Variants in PAN3 observed in about 807,000 individuals in gnomAD.
PAN3 encodes PAN2-PAN3 deadenylation complex subunit PAN3.
A neutral mutation model predicts 96.2 loss-of-function variants in PAN3; 19 were observed. The ratio of observed to expected loss-of-function variants is 0.20; its 90% CI spans 0.14 to 0.29. PAN3 has a LOEUF of 0.29. Among genes scored for constraint, PAN3 ranks in the 10% least tolerant of loss-of-function variants. The pLI is 1.00. For missense variants in PAN3, 882 were observed against 1,108.1 expected, an observed-to-expected ratio of 0.80 and a Z score of 2.90; for synonymous variants, 433 against 406.6, an observed-to-expected ratio of 1.06 and a Z score of -0.78.
intron 1 of PAN3, among the ~76,000 whole-genome samples, chr13:28,170,430 A>G (rs1464647417): frequency 6.6e-6 from 1 of 152,198 alleles, no homozygotes; most frequent in African/African-American, 2.4e-5. Context: ...TAAAAATTCT[A>G]TTAAGACAAG....
intron 1 of PAN3, among the ~76,000 whole-genome samples, chr13:28,159,747 C>T (rs1277398462): frequency 6.6e-6 from 1 of 151,908 alleles, no homozygotes; most frequent in Non-Finnish European, 1.5e-5. Flanking sequence ...CACACCTGGC[C>T]AATACTGGAG....
chr13:28,203,925 T>TC (rs951801130), intron 5 of PAN3, among the ~76,000 whole-genome samples: 2 of 151,586 alleles, frequency 1.3e-5, no homozygotes, highest in Non-Finnish European at 2.9e-5. Flanking sequence ...TGTTTCAGCC[T>TC]CCCGAGTAGC....
chr13:28,202,235 G>C (rs1878802105), intron 5 of PAN3, among the ~76,000 whole-genome samples: 1 of 152,148 alleles, frequency 6.6e-6, no homozygotes, highest in South Asian at 2.1e-4. Flanking sequence ...ATGCTGGTTA[G>C]TGGTAGAGCT....
chr13:28,264,670 A>C (rs1376441667), intron 9 of PAN3, among the ~76,000 whole-genome samples: 1 of 152,226 alleles, frequency 6.6e-6, no homozygotes, highest in African/African-American at 2.4e-5. Context: ...AGTGCCTACT[A>C]TCCTTGGGAA....
intron 1 of PAN3, among the ~76,000 whole-genome samples, chr13:28,143,146 T>C (rs1215956787): frequency 6.6e-6 from 1 of 151,776 alleles, no homozygotes; most frequent in African/African-American, 2.4e-5. Context: ...GGGTTGGGAG[T>C]TCTTGCTGTG....
chr13:28,211,345 A>G (rs975844055), intron 5 of PAN3, among the ~76,000 whole-genome samples: 3 of 152,298 alleles, frequency 2.0e-5, no homozygotes, highest in East Asian at 1.9e-4. Context: ...AGTCACTCCC[A>G]GTGGCATGGA....
intron 1 of PAN3, among the ~76,000 whole-genome samples, chr13:28,159,974 T>C (rs1182371941): frequency 6.6e-6 from 1 of 152,066 alleles, no homozygotes; most frequent in Non-Finnish European, 1.5e-5. Context: ...AGTCTCGCTC[T>C]ATCACCCAGC....
intron 1 of PAN3, among the ~76,000 whole-genome samples, chr13:28,170,620 C>T (rs1566154919): frequency 6.6e-6 from 1 of 152,096 alleles, no homozygotes; most frequent in Admixed American, 6.5e-5. Context: ...GAATTGTACT[C>T]TATTTTGGAG....
chr13:28,256,246 A>T (rs1885124727), intron 6 of PAN3, 46 bp from the exon 7 acceptor site: 1 of 1,570,094 alleles, frequency 6.4e-7, no homozygotes, highest in African/African-American at 1.4e-5. Context: ...TTGTTCTCTA[A>T]AACCAATTAT....
chr13:28,183,106 C>A (rs1876010297), intron 4 of PAN3, among the ~76,000 whole-genome samples: 1 of 151,910 alleles, frequency 6.6e-6, no homozygotes. Context: ...AATCTTAATC[C>A]TTCTGATGGT....
rs539937478 is a variant in PAN3, at chr13:28,220,505, T to C, written c.1000+127T>C. ...CATTTGAACATTAAGAGCTTTATGT[T>C]CTAGTTTTTGGTACCATAGGCCAAA... On this transcript the variant is annotated intron_variant, in intron 6 of 18. Coordinates refer to ENST00000380958, the MANE Select transcript of PAN3 (RefSeq NM_175854.8). 17 of 1,197,016 alleles carry C rather than the reference T, an allele frequency of 1.4e-5. No individual in the cohort carries two copies. In the African/African-American group the frequency reaches 2.6e-4, roughly 19 times the overall value. The allele number at this position is 1,197,016 out of a possible 1,614,324, so 74.1% of individuals were successfully genotyped here.
chr13:28,251,347 G>C (rs1317762269), intron 6 of PAN3, among the ~76,000 whole-genome samples: 1 of 152,150 alleles, frequency 6.6e-6, no homozygotes, highest in African/African-American at 2.4e-5. Flanking sequence ...TTTTAAGTGC[G>C]ATTATTTTCT....
At chr13:28,221,348 A>T (rs747899420) in intron 6 of PAN3, among the ~76,000 whole-genome samples, 4 of 103,802 alleles carry the variant, frequency 3.9e-5, no homozygotes, top group African/African-American at 7.5e-5. Flanking sequence ...CTTGGACATT[A>T]AAAAAAAAAA....
chr13:28,156,042 G>A (rs2137999397), intron 1 of PAN3, among the ~76,000 whole-genome samples: 1 of 152,292 alleles, frequency 6.6e-6, no homozygotes, highest in African/African-American at 2.4e-5. Context: ...AAAGCTGGCA[G>A]AAGACAAGAA....
intron 4 of PAN3, among the ~76,000 whole-genome samples, chr13:28,183,396 C>T (rs1876053109): frequency 6.6e-6 from 1 of 152,148 alleles, no homozygotes; most frequent in Admixed American, 6.5e-5. Flanking sequence ...CAAATTAATG[C>T]CCTCAGAACT....
At chr13:28,160,910 C>T (rs552423065) in intron 1 of PAN3, among the ~76,000 whole-genome samples, 1 of 152,308 alleles carries the variant, frequency 6.6e-6, no homozygotes, top group Admixed American at 6.5e-5. Flanking sequence ...TTCAAGAAAT[C>T]TTTCAGTTGT....
intron 6 of PAN3, among the ~76,000 whole-genome samples, chr13:28,223,472 A>C (rs1290699456): frequency 6.6e-6 from 1 of 152,138 alleles, no homozygotes; most frequent in Non-Finnish European, 1.5e-5. Flanking sequence ...TTTTATTTAT[A>C]AATAGACATT....
At chr13:28,239,752 T>C in intron 6 of PAN3, 1 of 1,025,172 alleles carries the variant, frequency 9.8e-7, no homozygotes, top group South Asian at 1.3e-5. Flanking sequence ...ATTCCCCTAA[T>C]CATAAGGGGT....
chr13:28,158,479 CTTAAA>C (rs1019474730), intron 1 of PAN3, among the ~76,000 whole-genome samples: 9 of 152,166 alleles, frequency 5.9e-5, no homozygotes, highest in African/African-American at 2.2e-4. Context: ...CTATAAGGAA[CTTAAA>C]TTAACAAGCA....
Sources: allele counts gnomAD v4.1 joint callset (sites outside exome capture counted in the v4.1 genomes callset), GRCh38; gene constraint gnomAD v4.1.1; transcripts MANE v1.5; gene names NCBI Gene and HGNC (gene_info 2026-07-23, HGNC 2026-07-21).